Variants in MTA3 observed in about 807,000 individuals in gnomAD.
MTA3 encodes metastasis associated 1 family member 3.
A neutral mutation model predicts 83.5 loss-of-function variants in MTA3; 34 were observed. That is an observed-to-expected ratio of 0.41 (90% CI 0.31 to 0.54). The LOEUF (loss-of-function observed/expected upper bound fraction) is 0.54. Ranked by LOEUF, MTA3 falls within the 20% of genes least tolerant of loss-of-function variation. The probability of loss-of-function intolerance (pLI) is 0.33; values close to 1 mark genes in which losing one functional copy is unlikely to be tolerated. For synonymous variants in MTA3, 303 were observed against 252.7 expected, an observed-to-expected ratio of 1.20 and a Z score of -1.89; for missense variants, 761 against 726.4, an observed-to-expected ratio of 1.05 and a Z score of -0.55.
At chr2:42,746,414 G>T (rs1573839961) in intron 16 of MTA3, among the ~76,000 whole-genome samples, 1 of 152,282 alleles carries the variant, frequency 6.6e-6, no homozygotes, top group Non-Finnish European at 1.5e-5. Flanking sequence ...GACCAAATGT[G>T]TGGGGACTTT....
At chr2:42,495,172 G>C (rs528972332) in exon 2 of MTA3, 1 of 152,708 alleles carries the variant, frequency 6.5e-6, no homozygotes, top group South Asian at 2.1e-4. Flanking sequence ...GGATTGTCCG[G>C]TGCCCGCTAG....
chr2:42,568,115 C>G (rs1482023621), upstream of MTA3: 2 of 152,422 alleles, frequency 1.3e-5, no homozygotes, highest in East Asian at 1.9e-4. Context: ...CCCCTTGAAT[C>G]TCACCGCGAG....
At chr2:42,542,719 T>A (rs970826590) in intron 2 of MTA3, among the ~76,000 whole-genome samples, 17 of 148,614 alleles carry the variant, frequency 1.1e-4, no homozygotes, top group Non-Finnish European at 2.4e-4. Flanking sequence ...ACCCAGCTAA[T>A]TTTTTTTTTG....
At chr2:42,669,165 A>G (rs1164964828) in intron 8 of MTA3, among the ~76,000 whole-genome samples, 1 of 150,284 alleles carries the variant, frequency 6.7e-6, no homozygotes, top group African/African-American at 2.5e-5. Context: ...GCTCACTGCA[A>G]CCTCCACCTT....
At chr2:42,604,354 T>A (rs949288713) in intron 3 of MTA3, among the ~76,000 whole-genome samples, 3 of 152,232 alleles carry the variant, frequency 2.0e-5, no homozygotes, top group African/African-American at 7.2e-5. Context: ...CCAGTGTAAC[T>A]CTTAAGTTTA....
At chr2:42,511,212 C>T (rs1185452439) in intron 2 of MTA3, among the ~76,000 whole-genome samples, 1 of 152,116 alleles carries the variant, frequency 6.6e-6, no homozygotes, top group Non-Finnish European at 1.5e-5. Flanking sequence ...TGACTCCACA[C>T]TTAATAATTG....
At chr2:42,557,942 A>G (rs1677478470) in intron 2 of MTA3, among the ~76,000 whole-genome samples, 1 of 152,092 alleles carries the variant, frequency 6.6e-6, no homozygotes, top group South Asian at 2.1e-4. Flanking sequence ...GGCCAACCCT[A>G]CCAATTTATT....
intron 3 of MTA3, among the ~76,000 whole-genome samples, chr2:42,600,150 G>A (rs12474864): frequency 0.77 from 117,463 of 152,010 alleles, 46,039 homozygotes; most frequent in African/African-American, 0.9. Flanking sequence ...GTGAGCCAAG[G>A]TCGCGCCACT....
intron 4 of MTA3, among the ~76,000 whole-genome samples, chr2:42,635,065 C>G (rs549335734): frequency 6.6e-6 from 1 of 152,216 alleles, no homozygotes; most frequent in Admixed American, 6.5e-5. Flanking sequence ...AAATATTTCT[C>G]ACACTTGGCC....
At chr2:42,710,801 A>G (rs1666540448) in intron 14 of MTA3, among the ~76,000 whole-genome samples, 1 of 152,046 alleles carries the variant, frequency 6.6e-6, no homozygotes, top group South Asian at 2.1e-4. Context: ...GGTGAAGACC[A>G]GTCACGGTGG....
intron 9 of MTA3, among the ~76,000 whole-genome samples, chr2:42,692,606 T>TA (rs1453574124): frequency 6.6e-6 from 1 of 152,078 alleles, no homozygotes; most frequent in Non-Finnish European, 1.5e-5. Flanking sequence ...TTAGTATTTT[T>TA]AGTAGATACA....
At chr2:42,622,169 G>A (rs1306592567) in intron 4 of MTA3, among the ~76,000 whole-genome samples, 3 of 152,180 alleles carry the variant, frequency 2.0e-5, no homozygotes, top group Admixed American at 6.5e-5. Flanking sequence ...TCGGGAGGCC[G>A]AGGCTGGCAG....
At chr2:42,501,084 A>G (rs537480725) in intron 2 of MTA3, among the ~76,000 whole-genome samples, 1 of 152,278 alleles carries the variant, frequency 6.6e-6, no homozygotes, top group Non-Finnish European at 1.5e-5. Flanking sequence ...TGCTGGGATT[A>G]CAGGCATGAG....
At chr2:42,559,501 C>CAAA (rs543291273) in intron 2 of MTA3, among the ~76,000 whole-genome samples, 3 of 106,614 alleles carry the variant, frequency 2.8e-5, no homozygotes, top group Admixed American at 2.0e-4. Context: ...GACCTTGTCT[C>CAAA]AAAAAAAAAA....
At chr2:42,561,519 C>T (rs1677674222) in intron 2 of MTA3, among the ~76,000 whole-genome samples, 2 of 152,020 alleles carry the variant, frequency 1.3e-5, no homozygotes, top group Non-Finnish European at 2.9e-5. Context: ...GACGGGGTTT[C>T]ACCATGTTGG....
intron 2 of MTA3, among the ~76,000 whole-genome samples, chr2:42,516,049 G>C (rs1226420501): frequency 2.0e-5 from 3 of 151,496 alleles, no homozygotes; most frequent in Non-Finnish European, 4.4e-5. Context: ...CAAGTAGCTG[G>C]GATTACAGGC....
intron 8 of MTA3, among the ~76,000 whole-genome samples, chr2:42,676,651 A>T (rs1023008214): frequency 2.6e-5 from 4 of 152,186 alleles, no homozygotes; most frequent in Non-Finnish European, 4.4e-5. Context: ...CTGTAGTCCC[A>T]GTTACTTGGG....
At chr2:42,622,720 G>T (rs1373572129) in intron 4 of MTA3, among the ~76,000 whole-genome samples, 1 of 149,996 alleles carries the variant, frequency 6.7e-6, no homozygotes, top group African/African-American at 2.5e-5. Context: ...TTCAACTCCT[G>T]GCCTCAAGTA....
intron 4 of MTA3, among the ~76,000 whole-genome samples, chr2:42,618,638 C>T (rs574009008): frequency 2.0e-5 from 3 of 151,828 alleles, no homozygotes; most frequent in Non-Finnish European, 2.9e-5. Flanking sequence ...AACAGAGTCT[C>T]GCTCTGTTGC....
Sources: allele counts gnomAD v4.1 joint callset (sites outside exome capture counted in the v4.1 genomes callset), GRCh38; gene constraint gnomAD v4.1.1; transcripts MANE v1.5; gene names NCBI Gene and HGNC (gene_info 2026-07-23, HGNC 2026-07-21).